EIF4G3: variants seen among roughly 807,000 people sequenced by gnomAD.
EIF4G3 encodes eIF-4-gamma 3.
Under a neutral mutation model 186.4 loss-of-function variants are expected in EIF4G3, and 34 were observed. The ratio of observed to expected loss-of-function variants is 0.18; its 90% CI spans 0.14 to 0.24. The LOEUF is 0.24. Ranked by LOEUF, EIF4G3 falls within the 10% of genes least tolerant of loss-of-function variation. EIF4G3 has a pLI of 1.00. For synonymous variants in EIF4G3, 673 were observed against 679.5 expected (o/e 0.99, Z 0.15); for missense variants, 1,536 against 1,948.5 (o/e 0.79, Z 3.99).
chr1:20,933,008 C>T (rs78194107), intron 14 of EIF4G3, among the ~76,000 whole-genome samples: 1 of 152,258 alleles, frequency 6.6e-6, no homozygotes, highest in Non-Finnish European at 1.5e-5. Context: ...TTGAAATAAT[C>T]TCCAGGCTTC....
intron 22 of EIF4G3, 37 bp downstream of exon 22, chr1:20,864,439 A>T: frequency 6.8e-7 from 1 of 1,465,792 alleles, no homozygotes; most frequent in Non-Finnish European, 9.5e-7. Context: ...ACTGACAAGG[A>T]GCCTTTGCGA....
intron 14 of EIF4G3, among the ~76,000 whole-genome samples, chr1:20,913,676 T>C (rs921999674): frequency 8.5e-5 from 13 of 152,196 alleles, no homozygotes; most frequent in African/African-American, 3.1e-4. Flanking sequence ...ATAAATTTTT[T>C]CCCTGTTTTC....
At chr1:21,129,433 T>C (rs2097111917) in intron 2 of EIF4G3, among the ~76,000 whole-genome samples, 1 of 152,126 alleles carries the variant, frequency 6.6e-6, no homozygotes, top group Admixed American at 6.6e-5. Flanking sequence ...GACATTCACT[T>C]GCAAGTTCTT....
chr1:21,101,562 G>GA (rs57590306), intron 2 of EIF4G3, among the ~76,000 whole-genome samples: 28 of 35,372 alleles, frequency 7.9e-4, no homozygotes, highest in Non-Finnish European at 9.6e-4. Context: ...AGGGTCTCAG[G>GA]AAAAAAAAAA....
In EIF4G3 at chr1:20,860,506, T is replaced by C. The variant is rs1023899703; in HGVS notation, c.3123A>G (p.Val1041=). 2 of 1,614,010 alleles carry C rather than the reference T, an allele frequency of 1.2e-6. No homozygotes were observed. Among genetic ancestry groups the C allele is most frequent in the Non-Finnish European group, 1.7e-6 (2 of 1,179,954 alleles). Residue 1041 remains valine (V), a synonymous_variant, in exon 24 of 37, where the codon GTA becomes GTG. Coordinates refer to ENST00000602326, the MANE Select transcript of EIF4G3 (RefSeq NM_001391906.1). Reference sequence around the variant, plus strand: ...TAGGCCCTTGATCTGCTCTTCGAGATACCCAATTGCACTATAAAAGCAGAA... The same window carrying C: ...TAGGCCCTTGATCTGCTCTTCGAGACACCCAATTGCACTATAAAAGCAGAA... ...DVIDLRLCNW[V]SRRADQGPKT...
intron 14 of EIF4G3, among the ~76,000 whole-genome samples, chr1:20,920,247 ACT>A (rs2094375829): frequency 6.6e-6 from 1 of 152,212 alleles, no homozygotes; most frequent in Admixed American, 6.5e-5. Flanking sequence ...GTGACATTTA[ACT>A]AAGTTTTTAA....
intron 2 of EIF4G3, among the ~76,000 whole-genome samples, chr1:21,103,635 G>A (rs1007957051): frequency 1.3e-5 from 2 of 152,282 alleles, no homozygotes; most frequent in South Asian, 2.1e-4. Flanking sequence ...TCTGAGGCCA[G>A]TAGTTCAAGA....
chr1:20,813,153 CT>C lies in EIF4G3; in HGVS notation c.4597+4del. On this transcript the variant is annotated splice_donor_region_variant and intron_variant, in intron 35 of 36. Coordinates refer to ENST00000602326, the MANE Select transcript of EIF4G3 (RefSeq NM_001391906.1). ...TTATGAGCTGCCTTCAGAAATGTTA[CT>C]TACCTATAATAGCTGCTTTACAAAC... is the stretch of plus-strand genomic sequence containing the variant. 1 of 1,598,340 alleles carries C rather than the reference CT, an allele frequency of 6.3e-7. No individual in the cohort carries two copies. Among genetic ancestry groups the C allele is most frequent in the Non-Finnish European group, 8.6e-7 (1 of 1,165,994 alleles).
At chr1:20,905,151 G>A (rs977943990) in intron 14 of EIF4G3, among the ~76,000 whole-genome samples, 180 bp from the exon 15 acceptor site, 1 of 152,246 alleles carries the variant, frequency 6.6e-6, no homozygotes, top group Non-Finnish European at 1.5e-5. Flanking sequence ...AACATCAAGT[G>A]TTGTGGGTAC....
chr1:20,866,853 C>T (rs1335533300), intron 20 of EIF4G3, among the ~76,000 whole-genome samples: 2 of 152,156 alleles, frequency 1.3e-5, no homozygotes, highest in Non-Finnish European at 1.5e-5. Flanking sequence ...AAATCCTAGC[C>T]AGCATCTTGG....
intron 8 of EIF4G3, among the ~76,000 whole-genome samples, chr1:20,982,139 A>T (rs2078430934): frequency 6.6e-6 from 1 of 152,182 alleles, no homozygotes; most frequent in African/African-American, 2.4e-5. Flanking sequence ...AGCCTTCTAG[A>T]ATAGTTTGCA....
rs759447516 is a variant in EIF4G3, at chr1:20,980,444, C to T, written c.383G>A (p.Arg128His). 6 of 1,542,546 alleles carry T rather than the reference C, an allele frequency of 3.9e-6. No homozygotes were observed. Among genetic ancestry groups the T allele is most frequent in the African/African-American group, 2.9e-5 (2 of 69,114 alleles). ...CCCAACATAAGGAGGGCCACTATGA[C>T]GGTACTAGAAAAGAGAAAGTATGAA... ...QGPQYCIPQY[R>H]HSGPPYVGPP... The change falls in exon 10 of 37, where the codon CGT becomes CAT. Residue 128 changes from arginine (R) to histidine (H), a missense_variant. By Grantham distance (29) the Arg-to-His change is conservative. This residue lies in a region of EIF4G3 where 194 missense variants were observed against 212.8 expected (regional missense o/e 0.91). Transcript: ENST00000602326.
At chr1:21,013,864 C>T (rs749477999) in intron 4 of EIF4G3, among the ~76,000 whole-genome samples, 4 of 152,090 alleles carry the variant, frequency 2.6e-5, no homozygotes, top group Admixed American at 2.6e-4. Context: ...CGACTTTGAA[C>T]AAATATCATA....
At chr1:20,983,284 C>A (rs2078696541) in intron 7 of EIF4G3, among the ~76,000 whole-genome samples, 1 of 151,996 alleles carries the variant, frequency 6.6e-6, no homozygotes, top group South Asian at 2.1e-4. Flanking sequence ...AGGGGCAGGC[C>A]ACAGAGAGTA....
At chr1:20,905,927 TC>T (rs1342596266) in intron 14 of EIF4G3, among the ~76,000 whole-genome samples, 4 of 152,172 alleles carry the variant, frequency 2.6e-5, no homozygotes, top group African/African-American at 9.6e-5. Context: ...TCACTGAGAC[TC>T]TGGGACAGTC....
chr1:20,980,414 G>A lies in EIF4G3; in HGVS notation c.413C>T (p.Pro138Leu). 1 of 1,544,932 alleles carries A rather than the reference G, an allele frequency of 6.5e-7. No individual in the cohort carries two copies. ...RHSGPPYVGP[P>L]QQYPVQPPGP... Reference sequence around the variant, plus strand: ...CGGTGGTTGAACTGGATATTGTTGGGGGGGCCCAACATAAGGAGGGCCACT... The same window carrying A: ...CGGTGGTTGAACTGGATATTGTTGGAGGGGCCCAACATAAGGAGGGCCACT... The change falls in exon 10 of 37, where the codon CCC (proline) becomes CTC (leucine). Residue 138 changes from proline (P) to leucine (L), a missense_variant. By Grantham distance (98) the Pro-to-Leu change is moderately conservative (BLOSUM62 -3). Around this residue, in one of 11 missense-constraint regions of EIF4G3, gnomAD observed 194 missense variants for 212.8 expected, o/e 0.91. Transcript: ENST00000602326.
chr1:21,087,490 C>T (rs746320927), intron 3 of EIF4G3, among the ~76,000 whole-genome samples: 4 of 152,200 alleles, frequency 2.6e-5, no homozygotes, highest in Admixed American at 6.5e-5. Flanking sequence ...GAATTTGAAT[C>T]ATCTAATATA....
In EIF4G3 at chr1:20,876,767, G is replaced by T. The variant is rs529510802; in HGVS notation, c.2622+2556C>A. ...TCCCTGCACTTTGGGAGGCCAAGGC[G>T]GGAAGAGCACTTGAGCCTAGGAGTT... On this transcript the variant is annotated intron_variant, in intron 20 of 36. Coordinates refer to ENST00000602326, the MANE Select transcript of EIF4G3 (RefSeq NM_001391906.1). Among the ~76,000 whole-genome samples the T allele has an allele frequency of 1.6e-3, 245 of 152,220 alleles. 1 individual carries two copies. Among genetic ancestry groups the T allele is most frequent in the Admixed American group, 2.4e-3 (37 of 15,290 alleles).
chr1:20,964,968 CTGGGTGAGT>C (rs2074286432), intron 12 of EIF4G3, among the ~76,000 whole-genome samples: 1 of 152,212 alleles, frequency 6.6e-6, no homozygotes, highest in Non-Finnish European at 1.5e-5. Context: ...TCTCCACCTG[CTGGGTGAGT>C]TCCCTGCTGT....
Sources: gnomAD v4.1 joint callset for allele counts (sites outside exome capture counted in the v4.1 genomes callset) on GRCh38, gnomAD v4.1.1 for gene constraint, gnomAD v4.1.1 regional missense constraint, MANE v1.5 for transcripts, NCBI Gene and HGNC (gene_info 2026-07-23, HGNC 2026-07-21) for gene names.